The following KCNQ2 variants were observed in gnomAD, a reference collection of about 807,000 sequenced individuals.
The protein encoded by KCNQ2 is potassium voltage-gated channel subfamily KQT member 2.
A neutral mutation model predicts 84.8 loss-of-function variants in KCNQ2; 14 were observed. That is an observed-to-expected ratio of 0.17 (90% CI 0.11 to 0.26). The LOEUF is 0.26. Among genes scored for constraint, KCNQ2 ranks in the 10% least tolerant of loss-of-function variants. The pLI, the probability that KCNQ2 is intolerant of heterozygous loss-of-function variation, is 1.00. For missense variants in KCNQ2, 788 were observed against 1,254.0 expected, an observed-to-expected ratio of 0.63 and a Z score of 5.61; for synonymous variants, 599 against 554.1, an observed-to-expected ratio of 1.08 and a Z score of -1.14.
Position 63,414,704 on chromosome 20 carries a change from T to C in KCNQ2, c.1525+199A>G, listed in dbSNP as rs112733886. Among the ~76,000 whole-genome samples the C allele has an allele frequency of 7.0e-3, 1,061 of 151,668 alleles. 10 individuals carry two copies. The highest frequency in any genetic ancestry group is 0.024 in the African/African-American group (1,014 of 41,392). ...GGTGACAACTCCACCGTGAGCGTGC[T>C]ACATGCCACTGAATTCCTACACTTT... On this transcript the variant is annotated intron_variant, in intron 13 of 16. Coordinates refer to ENST00000359125, the MANE Select transcript of KCNQ2 (RefSeq NM_172107.4). The surrounding 1 kb of genome is among the most constrained non-coding windows in gnomAD (Gnocchi z 6.6).
intron 1 of KCNQ2, among the ~76,000 whole-genome samples, chr20:63,465,924 C>G (rs1443924247): frequency 6.6e-6 from 1 of 152,210 alleles, no homozygotes; most frequent in Non-Finnish European, 1.5e-5. Flanking sequence ...GCTGAGGCGT[C>G]CCGGCGGGTC....
Position 63,408,246 on chromosome 20 carries a change from G to T in KCNQ2, c.1887+167C>A. ...CCGGGGGTGGGAGGCTCACGGTGGGGTGTGAGGGGTCTGCACAGAGCAGCT... is the reference window on the plus strand; with the variant it reads ...CCGGGGGTGGGAGGCTCACGGTGGGTTGTGAGGGGTCTGCACAGAGCAGCT... On this transcript the variant is annotated intron_variant, in intron 16 of 16. Coordinates refer to ENST00000359125, the MANE Select transcript of KCNQ2 (RefSeq NM_172107.4). This position sits in a 1 kb window ranked among gnomAD's most constrained non-coding sequence, Gnocchi z 5.0. 2 of 865,300 alleles carry T rather than the reference G, an allele frequency of 2.3e-6. No individual in the cohort carries two copies. Among genetic ancestry groups the T allele is most frequent in the Non-Finnish European group, 3.6e-6 (2 of 563,010 alleles). 53.6% of individuals were successfully genotyped at this position (865,300 alleles called of 1,614,324 possible). A position where few individuals can be genotyped will look rare whatever the true frequency, so the allele number is the denominator to read the frequency against.
At chr20:63,427,326 G>A (rs1232903455) in intron 10 of KCNQ2, among the ~76,000 whole-genome samples, 2 of 152,274 alleles carry the variant, frequency 1.3e-5, no homozygotes, top group Non-Finnish European at 2.9e-5. Flanking sequence ...CTCCACGCAT[G>A]AACCTGTGAT....
intron 9 of KCNQ2, among the ~76,000 whole-genome samples, chr20:63,428,678 C>G (rs1568906700): frequency 6.6e-6 from 1 of 152,296 alleles, no homozygotes; most frequent in Admixed American, 6.5e-5. Flanking sequence ...CCAGCAGGGA[C>G]AGCAGGGAGG....
rs987337683 is a variant in KCNQ2 at position 63,446,875 on chromosome 20, G to A, written c.297-38C>T. 6.4e-7 allele frequency: 1 copy of A among 1,557,742 alleles called. No homozygotes were observed. Among genetic ancestry groups the A allele is most frequent in the African/African-American group, 1.4e-5 (1 of 73,716 alleles). On this transcript the variant is annotated intron_variant, in intron 1 of 16. Transcript: ENST00000359125. The surrounding 1 kb of genome is among the most constrained non-coding windows in gnomAD (Gnocchi z 5.5). ...AACGCGCGCTCTCAGACAGGCCGCA[G>A]CAGGGCAGCAGCATGGCTGTGTCTC...
intron 1 of KCNQ2, among the ~76,000 whole-genome samples, chr20:63,456,187 C>A (rs1488862861): frequency 6.6e-6 from 1 of 152,176 alleles, no homozygotes; most frequent in African/African-American, 2.4e-5. Flanking sequence ...CCCCCCACCT[C>A]CGGGAGACTC....
At chr20:63,423,125 G>A (rs1231126982) in intron 11 of KCNQ2, among the ~76,000 whole-genome samples, 1 of 152,214 alleles carries the variant, frequency 6.6e-6, no homozygotes, top group Admixed American at 6.5e-5. Flanking sequence ...TCTTTGAGAG[G>A]ATGAATGAGC....
intron 1 of KCNQ2, among the ~76,000 whole-genome samples, chr20:63,462,413 G>T (rs2081981420): frequency 6.6e-6 from 1 of 151,622 alleles, no homozygotes; most frequent in African/African-American, 2.4e-5. Flanking sequence ...ACCTACCCCA[G>T]GGAGCAGGGA....
At chr20:63,436,028 ATGT>A (rs1303060428) in intron 7 of KCNQ2, among the ~76,000 whole-genome samples, 6 of 149,740 alleles carry the variant, frequency 4.0e-5, no homozygotes, top group African/African-American at 1.5e-4. Context: ...CCAGGCAAAG[ATGT>A]TGTGAACTGT....
chr20:63,431,227 T>G (rs2080777011), intron 9 of KCNQ2, 113 bp downstream of exon 9: 1 of 1,210,180 alleles, frequency 8.3e-7, no homozygotes, highest in Non-Finnish European at 1.2e-6. Flanking sequence ...GGGACAGTGG[T>G]CACTCTGCAG....
At position 63,414,251 on chromosome 20, in the gene KCNQ2, G is replaced by C. The variant is rs935122487; in HGVS notation, c.1526-58C>G. ...AGGGGGCCGGGAGACCTATTCCCGG[G>C]GTCCTGCAGGGCACACCGGCTAGAC... On this transcript the variant is annotated intron_variant, in intron 13 of 16. Coordinates refer to ENST00000359125, the MANE Select transcript of KCNQ2 (RefSeq NM_172107.4). The surrounding 1 kb of genome is among the most constrained non-coding windows in gnomAD (Gnocchi z 6.6). The C allele has an allele frequency of 1.2e-5, 15 of 1,244,246 alleles. No homozygotes were observed. In the African/African-American group the frequency reaches 2.2e-4, roughly 18 times the overall value. The allele number at this position is 1,244,246 out of a possible 1,614,324, so 77.1% of individuals were successfully genotyped here.
chr20:63,442,851 T>A (rs868435946), intron 4 of KCNQ2, among the ~76,000 whole-genome samples: 1 of 19,128 alleles, frequency 5.2e-5, no homozygotes, highest in East Asian at 2.4e-3. Context: ...ACCATCACCA[T>A]CACCACCACC....
rs775049542 is a variant in KCNQ2, at chr20:63,446,852, C to T, written c.297-15G>A. On this transcript the variant is annotated splice_polypyrimidine_tract_variant and intron_variant, in intron 1 of 16. Transcript: ENST00000359125. The surrounding 1 kb of genome is among the most constrained non-coding windows in gnomAD (Gnocchi z 5.5). ...CCAGGAGGAACCTGGGGGCAGGGAACGCGCGCTCTCAGACAGGCCGCAGCA... is the reference window on the plus strand; with the variant it reads ...CCAGGAGGAACCTGGGGGCAGGGAATGCGCGCTCTCAGACAGGCCGCAGCA... 30 of 1,610,032 alleles carry T rather than the reference C, an allele frequency of 1.9e-5. No individual in the cohort carries two copies. The highest frequency in any genetic ancestry group is 2.2e-5 in the South Asian group (2 of 91,022).
chr20:63,448,201 G>C (rs150935013), intron 1 of KCNQ2: 5 of 152,278 alleles, frequency 3.3e-5, no homozygotes, highest in African/African-American at 1.2e-4. Context: ...AACCCACTTC[G>C]CAGGAAGCAA....
chr20:63,418,369 T>C (rs757852227), intron 12 of KCNQ2, among the ~76,000 whole-genome samples: 2 of 152,044 alleles, frequency 1.3e-5, no homozygotes, highest in Non-Finnish European at 2.9e-5. Context: ...TCCCTCCCAA[T>C]GGTGAAATTC....
intron 11 of KCNQ2, among the ~76,000 whole-genome samples, chr20:63,421,653 G>A (rs148095403): frequency 1.1e-3 from 163 of 152,272 alleles, no homozygotes; most frequent in African/African-American, 3.7e-3. Flanking sequence ...ACGCGGACAC[G>A]TGTGCTTGAG....
chr20:63,451,554 A>G, intron 1 of KCNQ2, among the ~76,000 whole-genome samples: 1 of 152,082 alleles, frequency 6.6e-6, no homozygotes, highest in African/African-American at 2.4e-5. Context: ...AAAGACACAA[A>G]CCCGCGTGGA....
intron 1 of KCNQ2, among the ~76,000 whole-genome samples, chr20:63,464,522 C>T (rs1440381465): frequency 6.6e-6 from 1 of 152,100 alleles, no homozygotes; most frequent in East Asian, 1.9e-4. Flanking sequence ...CAGCAGCCTG[C>T]ACCCCAGGGC....
At chr20:63,415,493 CGGGGACCGAGCACCCGG>C in intron 12 of KCNQ2, among the ~76,000 whole-genome samples, 1 of 94,314 alleles carries the variant, frequency 1.1e-5, no homozygotes, top group East Asian at 3.3e-4. Context: ...GGGGAGGCCA[CGGGGACCGAGCACCCGG>C]CGGGAGGGAG....
Sources: gnomAD v4.1 joint callset for allele counts (sites outside exome capture counted in the v4.1 genomes callset) on GRCh38, gnomAD v4.1.1 for gene constraint, Gnocchi (gnomAD v3.1) non-coding constraint, MANE v1.5 for transcripts, NCBI Gene and HGNC (gene_info 2026-07-23, HGNC 2026-07-21) for gene names.